SCYL2: variants seen among roughly 807,000 people sequenced by gnomAD.
The protein encoded by SCYL2 is SCY1-like protein 2.
SCYL2 carries 36 observed loss-of-function variants against 100.4 expected under a neutral mutation model. The observed-to-expected ratio is 0.36, with a 90% CI of 0.27 to 0.47. The LOEUF is 0.47. Ranked by LOEUF, SCYL2 falls within the 20% of genes least tolerant of loss-of-function variation. The probability of loss-of-function intolerance (pLI) is 1.00; values close to 1 mark genes in which losing one functional copy is unlikely to be tolerated. For missense variants in SCYL2, 902 were observed against 1,083.9 expected, an observed-to-expected ratio of 0.83 and a Z score of 2.36; for synonymous variants, 330 against 359.2, an observed-to-expected ratio of 0.92 and a Z score of 0.92.
intron 4 of SCYL2, among the ~76,000 whole-genome samples, chr12:100,305,060 C>T (rs1251966756): frequency 1.3e-5 from 2 of 152,172 alleles, no homozygotes; most frequent in African/African-American, 2.4e-5. Flanking sequence ...TAGTGGGTGA[C>T]TTTAACAGCC....
At chr12:100,281,998 T>C (rs1391296767) in intron 1 of SCYL2, among the ~76,000 whole-genome samples, 1 of 151,750 alleles carries the variant, frequency 6.6e-6, no homozygotes, top group Non-Finnish European at 1.5e-5. Context: ...GAAGTGAGAG[T>C]CAGACCTCCT....
chr12:100,294,758 ACCTCCCTCCCGGACGGGGCG>A (rs2135860580), intron 3 of SCYL2, among the ~76,000 whole-genome samples: 1 of 105,950 alleles, frequency 9.4e-6, no homozygotes, highest in African/African-American at 3.8e-5. Context: ...TGACCCCCCC[ACCTCCCTCCCGGACGGGGCG>A]GCTGGCCGGG....
intron 4 of SCYL2, among the ~76,000 whole-genome samples, chr12:100,303,293 G>A (rs1369818188): frequency 6.6e-6 from 1 of 152,078 alleles, no homozygotes; most frequent in Non-Finnish European, 1.5e-5. Flanking sequence ...TCCCTCACTG[G>A]TGAGGAGTTG....
chr12:100,310,747 A>G (rs1011292920), intron 4 of SCYL2, among the ~76,000 whole-genome samples: 1 of 152,242 alleles, frequency 6.6e-6, no homozygotes, highest in African/African-American at 2.4e-5. Context: ...CAGGAACTGA[A>G]TAAATTTGGA....
At chr12:100,295,187 G>T (rs1443545586) in intron 3 of SCYL2, among the ~76,000 whole-genome samples, 1 of 151,150 alleles carries the variant, frequency 6.6e-6, no homozygotes, top group Non-Finnish European at 1.5e-5. Flanking sequence ...GATGGCGGCC[G>T]GACGGAGACG....
chr12:100,325,808 A>C (rs1398704713), intron 11 of SCYL2, among the ~76,000 whole-genome samples: 1 of 152,182 alleles, frequency 6.6e-6, no homozygotes, highest in East Asian at 1.9e-4. Context: ...AATTATGAGT[A>C]CAAGTTAAGC....
chr12:100,306,827 A>T (rs1183115571), intron 4 of SCYL2, among the ~76,000 whole-genome samples: 2 of 152,126 alleles, frequency 1.3e-5, no homozygotes, highest in Non-Finnish European at 2.9e-5. Context: ...ATAAAAAATA[A>T]CAAGCATTCC....
intron 13 of SCYL2, chr12:100,333,617 A>AACTT (rs1431953033): frequency 2.6e-5 from 4 of 152,324 alleles, no homozygotes; most frequent in African/African-American, 4.8e-5. Flanking sequence ...ACCAAAGCTT[A>AACTT]AACTATGTTA....
At position 100,334,209 on chromosome 12, in the gene SCYL2, T is replaced by G. The variant is rs1952246995; in HGVS notation, c.1805T>G (p.Leu602Trp). 6.2e-7 allele frequency: 1 copy of G among 1,605,830 alleles called. No individual in the cohort carries two copies. The highest frequency in any genetic ancestry group is 1.3e-5 in the African/African-American group (1 of 74,778). Residue 602 changes from leucine (L) to tryptophan (W), a missense_variant, in exon 14 of 18, where the codon TTG (leucine) becomes TGG (tryptophan). Coordinates refer to ENST00000360820, the MANE Select transcript of SCYL2 (RefSeq NM_017988.6). ...ISVIKEMLNRLESEHKTKLEQ... is the reference protein window; with the variant it reads ...ISVIKEMLNRWESEHKTKLEQ... ...GTCATAAAAGAAATGCTTAATAGAT[T>G]GGAGTCTGAACATAAGACTAAACTG...
At chr12:100,300,230 G>A (rs1402512325) in intron 4 of SCYL2, among the ~76,000 whole-genome samples, 1 of 152,006 alleles carries the variant, frequency 6.6e-6, no homozygotes, top group East Asian at 1.9e-4. Context: ...ACTTACGTGT[G>A]GACACAGTAC....
rs1952346881 is a variant in SCYL2 at position 100,341,052 on chromosome 12, A to C, written c.*1880A>C. The stretch of plus-strand genomic sequence containing the variant: ...AAACAGAAAGAAAGCTTAATATAAC[A>C]GCTTATAGAACTTGAACTACTAAAT... On this transcript the variant is annotated 3_prime_UTR_variant, in exon 18 of 18. Transcript: ENST00000360820. 6.6e-6 allele frequency: 1 copy of C among 152,114 alleles called. No homozygotes were observed. Among genetic ancestry groups the C allele is most frequent in the Non-Finnish European group, 1.5e-5 (1 of 67,950 alleles). The allele number at this position is 152,114 out of a possible 1,614,324, so 9.4% of individuals were successfully genotyped here.
At chr12:100,307,762 A>T (rs2096336442) in intron 4 of SCYL2, among the ~76,000 whole-genome samples, 1 of 152,222 alleles carries the variant, frequency 6.6e-6, no homozygotes, top group Non-Finnish European at 1.5e-5. Context: ...AAGGGCTAAT[A>T]TCCAGAATCT....
chr12:100,307,902 G>T (rs1486025265), intron 4 of SCYL2, among the ~76,000 whole-genome samples: 1 of 152,150 alleles, frequency 6.6e-6, no homozygotes, highest in Admixed American at 6.5e-5. Flanking sequence ...CATCATCACT[G>T]GTCATTAGAG....
At chr12:100,323,844 C>T (rs749894996) in intron 11 of SCYL2, 32 of 319,124 alleles carry the variant, frequency 1.0e-4, no homozygotes, top group Middle Eastern at 3.6e-4. Flanking sequence ...CTTGCTGTCC[C>T]TTTACTTTGA....
intron 3 of SCYL2, among the ~76,000 whole-genome samples, chr12:100,293,198 C>T (rs1195625860): frequency 6.6e-6 from 1 of 152,070 alleles, no homozygotes; most frequent in African/African-American, 2.4e-5. Flanking sequence ...CTTGTGTGAT[C>T]CTCCTGCCTC....
At chr12:100,291,418 A>G (rs2096310491) in intron 2 of SCYL2, 85 bp from the exon 3 acceptor site, 1 of 911,416 alleles carries the variant, frequency 1.1e-6, no homozygotes, top group African/African-American at 1.7e-5. Context: ...TTTTTATGGC[A>G]TAGTTATTTG....
At chr12:100,317,011 C>T (rs2135909743) in intron 9 of SCYL2, among the ~76,000 whole-genome samples, 1 of 152,122 alleles carries the variant, frequency 6.6e-6, no homozygotes. Flanking sequence ...GGGAGGATCA[C>T]CTGAGCCCTG....
chr12:100,294,455 G>C (rs1190226402), intron 3 of SCYL2, among the ~76,000 whole-genome samples: 2 of 113,866 alleles, frequency 1.8e-5, no homozygotes, highest in Non-Finnish European at 3.7e-5. Flanking sequence ...CAGTAGGGGC[G>C]GCCGGGCAGA....
chr12:100,268,583 T>C (rs1488515868), intron 1 of SCYL2, among the ~76,000 whole-genome samples: 1 of 152,236 alleles, frequency 6.6e-6, no homozygotes, highest in Non-Finnish European at 1.5e-5. Flanking sequence ...TCATTCTCTT[T>C]AGATTTACAT....
Sources: gnomAD v4.1 joint callset for allele counts (sites outside exome capture counted in the v4.1 genomes callset) on GRCh38, gnomAD v4.1.1 for gene constraint, MANE v1.5 for transcripts, NCBI Gene and HGNC (gene_info 2026-07-23, HGNC 2026-07-21) for gene names.